The following CCDC30 variants were observed in gnomAD, a reference collection of about 807,000 sequenced individuals.
CCDC30 encodes the protein coiled-coil domain-containing protein 30.
A neutral mutation model predicts 100.2 loss-of-function variants in CCDC30; 70 were observed. The ratio of observed to expected loss-of-function variants is 0.70; its 90% confidence interval spans 0.58 to 0.85. The LOEUF is 0.85. Among genes scored for constraint, CCDC30 ranks in the 40% least tolerant of loss-of-function variants. The pLI is 0.00. For missense variants in CCDC30, 652 were observed against 771.2 expected (o/e 0.85, Z 1.83); for synonymous variants, 233 against 269.5 (o/e 0.86, Z 1.33).
At chr1:42,589,050 C>T (rs1294877308) in intron 9 of CCDC30, among the ~76,000 whole-genome samples, 1 of 152,176 alleles carries the variant, frequency 6.6e-6, no homozygotes, top group East Asian at 1.9e-4. Flanking sequence ...TCCACTTTGT[C>T]TTAACTGTTC....
intron 11 of CCDC30, among the ~76,000 whole-genome samples, chr1:42,636,099 C>A (rs1647149469): frequency 6.6e-6 from 1 of 151,970 alleles, no homozygotes; most frequent in Non-Finnish European, 1.5e-5. Flanking sequence ...GAATCAGAGT[C>A]TTGAAAGTGA....
At chr1:42,644,470 A>G (rs2148689327) in intron 13 of CCDC30, among the ~76,000 whole-genome samples, 1 of 152,296 alleles carries the variant, frequency 6.6e-6, no homozygotes, top group East Asian at 1.9e-4. Flanking sequence ...TCACGGACAC[A>G]CCCAGGATAA....
intron 11 of CCDC30, among the ~76,000 whole-genome samples, chr1:42,627,855 T>C (rs935050627): frequency 6.6e-6 from 1 of 152,128 alleles, no homozygotes; most frequent in African/African-American, 2.4e-5. Context: ...GCTGTAGGGA[T>C]AGGAACTTCT....
At chr1:42,528,388 T>A (rs2148511341) in intron 6 of CCDC30, among the ~76,000 whole-genome samples, 1 of 152,300 alleles carries the variant, frequency 6.6e-6, no homozygotes, top group South Asian at 2.1e-4. Context: ...GGAGGCTTGA[T>A]ATGGGAAGCA....
intron 6 of CCDC30, among the ~76,000 whole-genome samples, chr1:42,528,070 TGGCCA>T (rs1348451762): frequency 2.0e-5 from 3 of 152,216 alleles, no homozygotes; most frequent in Admixed American, 2.0e-4. Flanking sequence ...TTCACCACAT[TGGCCA>T]GGCTGGTCTC....
At chr1:42,457,095 C>T in the CCDC30 span, 5 of 1,578,764 alleles carry the variant, frequency 3.2e-6, no homozygotes, top group Admixed American at 8.7e-5. Context: ...AGGAGTACCC[C>T]TTTTGCCTGG....
At chr1:42,539,266 G>C (rs1644967887) in intron 6 of CCDC30, 1 of 1,607,632 alleles carries the variant, frequency 6.2e-7, no homozygotes, top group Non-Finnish European at 8.5e-7. Flanking sequence ...TTTTTTAATA[G>C]CATGTGACCT....
At chr1:42,559,542 AAAG>A (rs1268960214) in intron 6 of CCDC30, among the ~76,000 whole-genome samples, 2 of 152,354 alleles carry the variant, frequency 1.3e-5, no homozygotes, top group East Asian at 3.9e-4. Flanking sequence ...CAAAAAAGAC[AAAG>A]AAGGGCATTA....
At chr1:42,653,736 A>G (rs1207650407) in intron 16 of CCDC30, 82 bp from the exon 21 acceptor site, 12 of 985,908 alleles carry the variant, frequency 1.2e-5, no homozygotes, top group Admixed American at 2.3e-5. Context: ...TTGAAATTCT[A>G]TCAATGCCTG....
At chr1:42,521,512 A>G (rs1328906000) in intron 6 of CCDC30, among the ~76,000 whole-genome samples, 1 of 152,160 alleles carries the variant, frequency 6.6e-6, no homozygotes, top group African/African-American at 2.4e-5. Context: ...TGTGCAGTTG[A>G]GAAGAATGTG....
At chr1:42,498,830 A>G in exon 6 of CCDC30, 1 of 1,233,222 alleles carries the variant, frequency 8.1e-7, no homozygotes, top group Non-Finnish European at 1.0e-6. Flanking sequence ...TGAAAGACTT[A>G]AAGGAGAGGT....
At chr1:42,525,157 T>A (rs1644705427) in intron 6 of CCDC30, among the ~76,000 whole-genome samples, 1 of 152,164 alleles carries the variant, frequency 6.6e-6, no homozygotes, top group Non-Finnish European at 1.5e-5. Flanking sequence ...TTGGGAGTAT[T>A]TGAGCTTCTA....
At chr1:42,511,176 C>T (rs1012370232) in intron 6 of CCDC30, among the ~76,000 whole-genome samples, 7 of 152,002 alleles carry the variant, frequency 4.6e-5, no homozygotes, top group African/African-American at 1.7e-4. Context: ...GTTAAATGTG[C>T]CACTCATGGT....
chr1:42,547,839 G>A (rs58768286), intron 6 of CCDC30, among the ~76,000 whole-genome samples: 20,599 of 152,156 alleles, frequency 0.14, 1,515 homozygotes, highest in East Asian at 0.17. Flanking sequence ...TACCGAAGAT[G>A]TAAAATAAGA....
the CCDC30 span, chr1:42,457,190 A>G: frequency 6.2e-7 from 1 of 1,610,068 alleles, no homozygotes; most frequent in Non-Finnish European, 8.5e-7. Flanking sequence ...GTTGAGAAGG[A>G]GCTGATCCTA....
At chr1:42,536,895 C>T (rs1269353924) in intron 6 of CCDC30, 1 of 375,568 alleles carries the variant, frequency 2.7e-6, no homozygotes. Flanking sequence ...GCTCTGGTGT[C>T]TCTTCCTCTT....
chr1:42,568,452 A>G (rs986378871), intron 7 of CCDC30, among the ~76,000 whole-genome samples: 4 of 152,128 alleles, frequency 2.6e-5, no homozygotes, highest in African/African-American at 9.7e-5. Context: ...TCACAACCCT[A>G]AAGGGTCAGC....
At chr1:42,526,906 G>C (rs1644731704) in intron 6 of CCDC30, among the ~76,000 whole-genome samples, 3 of 152,070 alleles carry the variant, frequency 2.0e-5, no homozygotes, top group Non-Finnish European at 2.9e-5. Flanking sequence ...CATATTAACT[G>C]TTCCCCCTAA....
intron 6 of CCDC30, among the ~76,000 whole-genome samples, chr1:42,541,762 GT>G (rs1156822385): frequency 6.6e-6 from 1 of 152,114 alleles, no homozygotes; most frequent in Non-Finnish European, 1.5e-5. Flanking sequence ...TTATATTCTA[GT>G]TTTTCTTCAG....
Sources: allele counts gnomAD v4.1 joint callset (sites outside exome capture counted in the v4.1 genomes callset), GRCh38; gene constraint gnomAD v4.1.1; transcripts MANE v1.5; gene names NCBI Gene and HGNC (gene_info 2026-07-23, HGNC 2026-07-21).